Variants in ORC2 observed in about 807,000 individuals in gnomAD.
ORC2 encodes the protein origin recognition complex protein 2 homolog.
ORC2 carries 37 observed loss-of-function variants against 77.7 expected under a neutral mutation model. That is an observed-to-expected ratio of 0.48 (90% CI 0.37 to 0.63). The LOEUF is 0.63. Ranked by LOEUF, ORC2 falls within the 20% of genes least tolerant of loss-of-function variation. ORC2 has a pLI of 0.00. For synonymous variants in ORC2, 201 were observed against 229.5 expected (o/e 0.88, Z 1.12); for missense variants, 557 against 661.9 (o/e 0.84, Z 1.74).
intron 14 of ORC2, 105 bp downstream of exon 14, chr2:200,920,888 G>C: frequency 1.4e-6 from 1 of 694,726 alleles, no homozygotes; most frequent in Non-Finnish European, 2.1e-6. Context: ...ATGTAAAAGG[G>C]GAAAAAGCGT....
chr2:200,945,256 C>T (rs1477541531), intron 5 of ORC2, among the ~76,000 whole-genome samples: 1 of 152,086 alleles, frequency 6.6e-6, no homozygotes, highest in African/African-American at 2.4e-5. Context: ...GCTGTTGACT[C>T]TATTAATAGA....
intron 6 of ORC2, among the ~76,000 whole-genome samples, chr2:200,941,718 G>A (rs1236327698): frequency 2.0e-5 from 3 of 152,126 alleles, no homozygotes; most frequent in Admixed American, 6.5e-5. Flanking sequence ...CAGGAGCGGT[G>A]GCTCACGCCC....
chr2:200,947,296 T>A (rs2041267576), intron 5 of ORC2, among the ~76,000 whole-genome samples: 1 of 152,234 alleles, frequency 6.6e-6, no homozygotes. Flanking sequence ...TCAAAATCAG[T>A]AATGTATTTA....
chr2:200,918,802 T>G (rs1344375297), intron 15 of ORC2, among the ~76,000 whole-genome samples: 1 of 152,126 alleles, frequency 6.6e-6, no homozygotes, highest in African/African-American at 2.4e-5. Flanking sequence ...TGTTTATTCT[T>G]TAGGAAACTA....
intron 15 of ORC2, among the ~76,000 whole-genome samples, chr2:200,917,752 G>T (rs1483797601): frequency 6.6e-6 from 1 of 152,120 alleles, no homozygotes; most frequent in Admixed American, 6.5e-5. Context: ...GGAAGTTGGT[G>T]CTTTGGGAGG....
chr2:200,917,580 G>A (rs1214778660), intron 15 of ORC2, among the ~76,000 whole-genome samples: 1 of 152,146 alleles, frequency 6.6e-6, no homozygotes, highest in Non-Finnish European at 1.5e-5. Context: ...TATACATGGA[G>A]GTGGCAGTCA....
chr2:200,943,728 A>G (rs1443320623), intron 5 of ORC2, among the ~76,000 whole-genome samples: 1 of 151,932 alleles, frequency 6.6e-6, no homozygotes, highest in African/African-American at 2.4e-5. Flanking sequence ...CAAAATACTC[A>G]TAACAATCTC....
intron 12 of ORC2, 137 bp from the exon 13 acceptor site, chr2:200,926,069 C>G: frequency 2.5e-6 from 1 of 392,958 alleles, no homozygotes; most frequent in East Asian, 4.0e-5. Flanking sequence ...TTTAAAAATT[C>G]TACTGGTACT....
Position 200,913,327 on chromosome 2 carries a change from A to G in ORC2, c.1615T>C (p.Phe539Leu), listed in dbSNP as rs543285363. 9 of 1,599,808 alleles carry G rather than the reference A, an allele frequency of 5.6e-6. No individual in the cohort carries two copies. In the South Asian group the frequency reaches 6.6e-5, roughly 12 times the overall value. The change falls in exon 17 of 18, where the codon TTT becomes CTT. Residue 539 changes from phenylalanine to leucine, a missense_variant. Transcript: ENST00000234296. ...DLTLRAQLTE[F>L]RDHKLIRTKK... ...GTTCTTATAAGCTTGTGGTCCCTAAATTCAGTTAACTGGGCCCGGAGTGTC... is the reference window on the plus strand; with the variant it reads ...GTTCTTATAAGCTTGTGGTCCCTAAGTTCAGTTAACTGGGCCCGGAGTGTC...
intron 15 of ORC2, among the ~76,000 whole-genome samples, chr2:200,919,563 C>T (rs1368246474): frequency 2.0e-5 from 3 of 151,948 alleles, no homozygotes; most frequent in Non-Finnish European, 4.4e-5. Flanking sequence ...TTCCCCATGT[C>T]GGCCAGGCTG....
intron 15 of ORC2, 21 bp downstream of exon 15, chr2:200,920,201 A>G: frequency 6.3e-7 from 1 of 1,590,794 alleles, no homozygotes; most frequent in Non-Finnish European, 8.6e-7. Flanking sequence ...TTTAAAAAAG[A>G]AATATGGTTT....
intron 11 of ORC2, among the ~76,000 whole-genome samples, chr2:200,929,162 G>A (rs1361013169): frequency 6.6e-6 from 1 of 152,138 alleles, no homozygotes; most frequent in African/African-American, 2.4e-5. Flanking sequence ...TGTTGGTCAG[G>A]CTGGTCTGGA....
Position 200,926,833 on chromosome 2 carries a change from T to C in ORC2, c.985A>G (p.Thr329Ala). 6.2e-7 allele frequency: 1 copy of C among 1,613,810 alleles called. No homozygotes were observed. Among genetic ancestry groups the C allele is most frequent in the South Asian group, 1.1e-5 (1 of 91,074 alleles). The change falls in exon 12 of 18, where the codon ACT becomes GCT. Residue 329 changes from threonine to alanine, a missense_variant. Thr to Ala is a moderately conservative substitution (Grantham distance 58). Coordinates refer to ENST00000234296, the MANE Select transcript of ORC2 (RefSeq NM_006190.5). ...KRDLLERFRTTMLQDSIHVVI... is the reference protein window; with the variant it reads ...KRDLLERFRTAMLQDSIHVVI... ...ACGTGAATGGAATCTTGCAGCATAG[T>C]GGTTCGAAACCTTTCTAGTAAATCT...
chr2:200,916,662 T>C (rs577095258), intron 15 of ORC2, among the ~76,000 whole-genome samples: 2 of 152,306 alleles, frequency 1.3e-5, no homozygotes, highest in Non-Finnish European at 2.9e-5. Context: ...CATCAAAAAA[T>C]TTCATTAGAT....
At chr2:200,957,659 G>T in intron 3 of ORC2, 115 bp from the exon 4 acceptor site, 1 of 790,790 alleles carries the variant, frequency 1.3e-6, no homozygotes, top group Non-Finnish European at 1.8e-6. Flanking sequence ...TGGGAAAAAA[G>T]CTTTCTCTTT....
chr2:200,952,254 A>AATTT (rs561351012), intron 4 of ORC2, among the ~76,000 whole-genome samples: 4 of 151,330 alleles, frequency 2.6e-5, no homozygotes, highest in African/African-American at 7.3e-5. Flanking sequence ...ATATTTATAT[A>AATTT]ATTTATTTAT....
At chr2:200,935,604 A>T (rs2041026616) in intron 9 of ORC2, 95 bp downstream of exon 9, 7 of 870,296 alleles carry the variant, frequency 8.0e-6, no homozygotes, top group Non-Finnish European at 1.2e-5. Flanking sequence ...GTGAAGAAAA[A>T]ATATTATTTT....
intron 7 of ORC2, among the ~76,000 whole-genome samples, chr2:200,940,625 A>C (rs1348247381): frequency 6.6e-6 from 1 of 151,732 alleles, no homozygotes. Flanking sequence ...AACATGGTGA[A>C]GCCTTGCCTC....
chr2:200,948,965 A>T (rs929716231), intron 5 of ORC2, among the ~76,000 whole-genome samples: 3 of 150,916 alleles, frequency 2.0e-5, no homozygotes, highest in Non-Finnish European at 3.0e-5. Flanking sequence ...ATGGCCGGGC[A>T]TGGTGACTCA....
Sources: gnomAD v4.1 joint callset for allele counts (sites outside exome capture counted in the v4.1 genomes callset) on GRCh38, gnomAD v4.1.1 for gene constraint, MANE v1.5 for transcripts, NCBI Gene and HGNC (gene_info 2026-07-23, HGNC 2026-07-21) for gene names.